The following BRIX1 variants were observed in gnomAD, a reference collection of about 807,000 sequenced individuals.
BRIX1 encodes the protein ribosome biogenesis protein BRX1 homolog.
BRIX1 carries 15 observed loss-of-function variants against 44.0 expected under a neutral mutation model. The observed-to-expected ratio is 0.34, with a 90% CI of 0.23 to 0.53. BRIX1 has a LOEUF of 0.53. Ranked by LOEUF, BRIX1 falls within the 20% of genes least tolerant of loss-of-function variation. The pLI, the probability that BRIX1 is intolerant of heterozygous loss-of-function variation, is 0.95. For synonymous variants in BRIX1, 149 were observed against 135.4 expected, an observed-to-expected ratio of 1.10 and a Z score of -0.70; for missense variants, 420 against 432.8, an observed-to-expected ratio of 0.97 and a Z score of 0.26.
chr5:34,919,779 A>G, intron 2 of BRIX1, 61 bp from the exon 3 acceptor site: 2 of 549,998 alleles, frequency 3.6e-6, no homozygotes, highest in Admixed American at 8.0e-5. Flanking sequence ...ATGTGGTTTG[A>G]TTGAAATAAC....
chr5:34,920,084 A>G, intron 3 of BRIX1: 1 of 384,888 alleles, frequency 2.6e-6, no homozygotes, highest in Non-Finnish European at 4.7e-6. Context: ...TTTTGTCTGA[A>G]CAAGCATATT....
At position 34,925,322 on chromosome 5, in the gene BRIX1, C is replaced by G; in HGVS notation, c.889C>G (p.Leu297Val). 2.5e-6 allele frequency: 4 copies of G among 1,613,654 alleles called. No individual in the cohort carries two copies. The highest frequency in any genetic ancestry group is 2.5e-6 in the Non-Finnish European group (3 of 1,179,938). Residue 297 changes from leucine to valine, a missense_variant, in exon 10 of 10, where the codon CTT (leucine) becomes GTT (valine). Coordinates refer to ENST00000336767, the MANE Select transcript of BRIX1 (RefSeq NM_018321.4). ...ACTGAGAAAGAAAGAGCCGAAGACT[C>G]TTCTTCCACATGATCCCACTGCAGA... ...QKLRKKEPKT[L>V]LPHDPTADVF...
chr5:34,924,642 A>C (rs553854538), intron 8 of BRIX1, among the ~76,000 whole-genome samples: 1 of 152,226 alleles, frequency 6.6e-6, no homozygotes, highest in African/African-American at 2.4e-5. Context: ...GAACTCACTG[A>C]AAAAACATTT....
chr5:34,925,744 C>T lies in BRIX1; in HGVS notation c.*249C>T, dbSNP rs1223100709. ...TGTAGCACACTTAATGTAGCCTGTTCTCTTGGGTTGGAATTTTTGGTTTAG... is the reference window on the plus strand; with the variant it reads ...TGTAGCACACTTAATGTAGCCTGTTTTCTTGGGTTGGAATTTTTGGTTTAG... On this transcript the variant is annotated 3_prime_UTR_variant, in exon 10 of 10. Transcript: ENST00000336767. The T allele has an allele frequency of 8.3e-6, 3 of 360,996 alleles. No individual in the cohort carries two copies. The highest frequency in any genetic ancestry group is 1.5e-5 in the Non-Finnish European group (3 of 204,842). 22.4% of individuals were successfully genotyped at this position (360,996 alleles called of 1,614,324 possible).
At chr5:34,916,041 G>A (rs1764073659) in intron 1 of BRIX1, 144 bp downstream of exon 1, 2 of 948,880 alleles carry the variant, frequency 2.1e-6, no homozygotes, top group African/African-American at 3.4e-5. Context: ...CTCCCGGCCA[G>A]ACTGGGCACG....
intron 3 of BRIX1, chr5:34,921,934 A>C: frequency 3.6e-5 from 6 of 164,412 alleles, no homozygotes; most frequent in East Asian, 1.5e-4. Flanking sequence ...AAAAGGAGGG[A>C]GGTTTCCAGT....
In BRIX1 at chr5:34,915,866, A is replaced by G; in HGVS notation, c.128A>G (p.Glu43Gly). ...HATAEEVEEE[E>G]RDRIPGPVCK... ...ACAGCAGAGGAGGTGGAGGAAGAAG[A>G]GAGGGACCGGATCCCAGGCCCCGTT... The change falls in exon 1 of 10, where the codon GAG (glutamate) becomes GGG (glycine). Residue 43 changes from glutamate to glycine, a missense_variant. By Grantham distance (98) the Glu-to-Gly change is moderately conservative (BLOSUM62 -2). Coordinates refer to ENST00000336767, the MANE Select transcript of BRIX1 (RefSeq NM_018321.4). 1 of 1,562,730 alleles carries G rather than the reference A, an allele frequency of 6.4e-7. No individual in the cohort carries two copies. The highest frequency in any genetic ancestry group is 8.7e-7 in the Non-Finnish European group (1 of 1,153,324).
intron 6 of BRIX1, 87 bp downstream of exon 6, chr5:34,922,855 T>G: frequency 1.5e-6 from 2 of 1,353,290 alleles, no homozygotes; most frequent in Non-Finnish European, 2.1e-6. Flanking sequence ...TTCAATTTAG[T>G]TTCACCCCCA....
At chr5:34,922,067 CT>C (rs1219809713) in intron 3 of BRIX1, 149 bp from the exon 4 acceptor site, 5 of 439,278 alleles carry the variant, frequency 1.1e-5, no homozygotes. Flanking sequence ...TTAAAGGTTC[CT>C]TCTGTGAATA....
In BRIX1 at chr5:34,924,883, C is replaced by T. The variant is rs1243509127; in HGVS notation, c.700C>T (p.Pro234Ser). Residue 234 changes from proline (P) to serine (S), a missense_variant, in exon 9 of 10, where the codon CCT becomes TCT. Coordinates refer to ENST00000336767, the MANE Select transcript of BRIX1 (RefSeq NM_018321.4). ...AGATGCTGCTCTTGTAGAAATAGGA[C>T]CTCGTTTTGTCTTAAATCTCATAAA... ...EEDAALVEIG[P>S]RFVLNLIKIF... 3 of 1,605,718 alleles carry T rather than the reference C, an allele frequency of 1.9e-6. No homozygotes were observed. The highest frequency in any genetic ancestry group is 1.6e-4 in the Middle Eastern group (1 of 6,064).
In BRIX1 at chr5:34,922,275, A is replaced by T; in HGVS notation, c.374A>T (p.Asp125Val). 2.5e-6 allele frequency: 4 copies of T among 1,576,504 alleles called. No homozygotes were observed. The highest frequency in any genetic ancestry group is 3.5e-6 in the Non-Finnish European group (4 of 1,149,706). ...CIYFEAKKKQ[D>V]LYMWLSNSPH... Reference sequence around the variant, plus strand: ...TATTTTGAAGCTAAGAAAAAACAGGATCTCTATATGTGGTAAGAGAATGTA... The same window carrying T: ...TATTTTGAAGCTAAGAAAAAACAGGTTCTCTATATGTGGTAAGAGAATGTA... The change falls in exon 4 of 10, where the codon GAT becomes GTT. Residue 125 changes from aspartate (D) to valine (V), a missense_variant. Transcript: ENST00000336767.
chr5:34,922,921 C>A, intron 6 of BRIX1, 80 bp from the exon 7 acceptor site: 1 of 1,254,376 alleles, frequency 8.0e-7, no homozygotes, highest in Non-Finnish European at 1.1e-6. Flanking sequence ...AGGTTATAGC[C>A]AAGTTATAGA....
Position 34,925,570 on chromosome 5 carries a change from C to G in BRIX1, c.*75C>G. ...TTCAATGTGTAAATACTTTTATTAT[C>G]TAATACTATCTTACGTCTAATTAGT... On this transcript the variant is annotated 3_prime_UTR_variant, in exon 10 of 10. Coordinates refer to ENST00000336767, the MANE Select transcript of BRIX1 (RefSeq NM_018321.4). 3.2e-6 allele frequency: 4 copies of G among 1,256,440 alleles called. No homozygotes were observed. The South Asian group carries it at 6.5e-5, about 20-fold the overall frequency. 77.8% of individuals were successfully genotyped at this position (1,256,440 alleles called of 1,614,324 possible).
At chr5:34,917,884 G>C (rs1450273245) in intron 1 of BRIX1, among the ~76,000 whole-genome samples, 1 of 152,094 alleles carries the variant, frequency 6.6e-6, no homozygotes, top group Non-Finnish European at 1.5e-5. Context: ...GAATTGGAGA[G>C]ATTGAAGTTG....
chr5:34,917,360 G>C (rs971829369), intron 1 of BRIX1, among the ~76,000 whole-genome samples: 3 of 152,124 alleles, frequency 2.0e-5, no homozygotes, highest in Admixed American at 2.0e-4. Flanking sequence ...ATGGTCCAGC[G>C]TGGTGGCTCA....
chr5:34,917,309 A>C (rs1256352526), intron 1 of BRIX1, among the ~76,000 whole-genome samples: 1 of 152,122 alleles, frequency 6.6e-6, no homozygotes, highest in Non-Finnish European at 1.5e-5. Flanking sequence ...TGTTTAGAAA[A>C]CTCTGGGAAG....
intron 2 of BRIX1, among the ~76,000 whole-genome samples, chr5:34,919,452 G>A (rs1044597186): frequency 5.3e-5 from 8 of 151,920 alleles, no homozygotes; most frequent in Non-Finnish European, 1.2e-4. Flanking sequence ...TGTTACACGG[G>A]CATAAAGTCA....
chr5:34,918,576 C>T (rs878987281), intron 2 of BRIX1, 101 bp downstream of exon 2: 15 of 629,894 alleles, frequency 2.4e-5, no homozygotes, highest in Admixed American at 7.4e-5. Flanking sequence ...AGTGTTCTCA[C>T]GAAAAAAACA....
At chr5:34,917,813 A>T (rs1764150042) in intron 1 of BRIX1, among the ~76,000 whole-genome samples, 1 of 152,180 alleles carries the variant, frequency 6.6e-6, no homozygotes, top group South Asian at 2.1e-4. Context: ...ATTATGAGAC[A>T]TCTGTCATGG....
Sources: gnomAD v4.1 joint callset for allele counts (sites outside exome capture counted in the v4.1 genomes callset) on GRCh38, gnomAD v4.1.1 for gene constraint, MANE v1.5 for transcripts, NCBI Gene and HGNC (gene_info 2026-07-23, HGNC 2026-07-21) for gene names.